HACL1: variants seen among roughly 807,000 people sequenced by gnomAD.
HACL1 encodes the protein 2-hydroxyacyl-CoA lyase 1, also known as 1600020H07Rik.
A neutral mutation model predicts 74.2 loss-of-function variants in HACL1; 64 were observed. That is an observed-to-expected ratio of 0.86 (90% CI 0.70 to 1.06). HACL1 has a LOEUF of 1.06. HACL1 is among the 50% of genes least tolerant of loss of function. The probability of loss-of-function intolerance (pLI) is 0.00; values close to 1 mark genes in which losing one functional copy is unlikely to be tolerated. For missense variants in HACL1, 728 were observed against 719.7 expected, an observed-to-expected ratio of 1.01 and a Z score of -0.13; for synonymous variants, 230 against 238.8, an observed-to-expected ratio of 0.96 and a Z score of 0.34.
At chr3:15,580,305 A>G (rs1189383479) in intron 8 of HACL1, among the ~76,000 whole-genome samples, 1 of 151,666 alleles carries the variant, frequency 6.6e-6, no homozygotes, top group Non-Finnish European at 1.5e-5. Flanking sequence ...TACTTTTAAA[A>G]TTTTCTGTAT....
intron 2 of HACL1, among the ~76,000 whole-genome samples, chr3:15,600,460 A>G (rs553556380): frequency 6.6e-6 from 1 of 152,386 alleles, no homozygotes; most frequent in South Asian, 2.1e-4. Flanking sequence ...GTGGATTGAC[A>G]AAACGTCGTA....
Position 15,563,409 on chromosome 3 carries a change from T to C in HACL1, c.1653A>G (p.Lys551=). 1 of 1,613,602 alleles carries C rather than the reference T, an allele frequency of 6.2e-7. No individual in the cohort carries two copies. Among genetic ancestry groups the C allele is most frequent in the East Asian group, 2.2e-5 (1 of 44,874 alleles). Residue 551 remains lysine, a synonymous_variant, in exon 16 of 17, where the codon AAA becomes AAG. Transcript: ENST00000321169. ...SLRQSLADTT[K]PSLINIMIEP... is the part of the protein sequence containing the mutation. ...CAATCATGATGTTGATAAGAGAAGG[T>C]TTAGTTGTGTCTGCTAGGCTCTGCC...
Position 15,596,437 on chromosome 3 carries a change from A to G in HACL1, c.187-13T>C. The G allele has an allele frequency of 6.4e-7, 1 of 1,563,760 alleles. No homozygotes were observed. The highest frequency in any genetic ancestry group is 8.8e-7 in the Non-Finnish European group (1 of 1,134,182). ...CAGCATAACAAGCCTACGAGAAAAC[A>G]ACACTGGGACTTGAGCATATTGGGA... On this transcript the variant is annotated splice_polypyrimidine_tract_variant and intron_variant, in intron 2 of 16. Coordinates refer to ENST00000321169, the MANE Select transcript of HACL1 (RefSeq NM_012260.4).
intron 3 of HACL1, among the ~76,000 whole-genome samples, chr3:15,592,423 C>T (rs1171858217): frequency 2.2e-5 from 3 of 137,998 alleles, no homozygotes; most frequent in Admixed American, 1.4e-4. Flanking sequence ...TATACACACA[C>T]GTATGCATGT....
At chr3:15,588,862 T>A (rs373418521) in intron 5 of HACL1, among the ~76,000 whole-genome samples, 1 of 152,124 alleles carries the variant, frequency 6.6e-6, no homozygotes, top group African/African-American at 2.4e-5. Context: ...CAGAGTCTAC[T>A]GATAATCATT....
chr3:15,566,900 A>C (rs6805529), intron 14 of HACL1, among the ~76,000 whole-genome samples: 142,410 of 148,054 alleles, frequency 0.96, 68,541 homozygotes, highest in East Asian at 0.99. Context: ...CTCACTGCAA[A>C]CTACACCTCC....
intron 13 of HACL1, 66 bp downstream of exon 13, chr3:15,568,366 C>T: frequency 1.0e-6 from 1 of 953,204 alleles, no homozygotes; most frequent in Non-Finnish European, 1.6e-6. Context: ...TTAATCTGCA[C>T]TATTACAGTT....
rs1434932976 is a variant in HACL1 at position 15,563,441 on chromosome 3, A to G, written c.1621T>C (p.Ser541Pro). ...FVQTPEELQK[S>P]LRQSLADTTK... ...GTGTCTGCTAGGCTCTGCCTCAGGGATTTTTGGAGTTCTTCTGGTGTTTGT... is the reference window on the plus strand; with the variant it reads ...GTGTCTGCTAGGCTCTGCCTCAGGGGTTTTTGGAGTTCTTCTGGTGTTTGT... The change falls in exon 16 of 17, where the codon TCC becomes CCC. Residue 541 changes from serine to proline, a missense_variant. Transcript: ENST00000321169. The G allele has an allele frequency of 7.4e-6, 12 of 1,612,202 alleles. No homozygotes were observed. The Admixed American group carries it at 1.8e-4, about 25-fold the overall frequency.
At chr3:15,564,492 T>C in intron 15 of HACL1, 59 bp downstream of exon 15, 1 of 796,944 alleles carries the variant, frequency 1.3e-6, no homozygotes, top group Admixed American at 2.2e-5. Flanking sequence ...AGAAGACTTT[T>C]TAAAAAGAGA....
In HACL1 at chr3:15,601,075, T is replaced by C. The variant is rs1470233776; in HGVS notation, c.186+15A>G. The stretch of plus-strand genomic sequence containing the variant: ...ATTCCCAGTAACGCATTCAGCCACC[T>C]GAGTCCATACTCACCGCTTGCTCAT... On this transcript the variant is annotated intron_variant, in intron 2 of 16. Transcript: ENST00000321169. The C allele has an allele frequency of 2.0e-6, 3 of 1,528,364 alleles. No individual in the cohort carries two copies. Among genetic ancestry groups the C allele is most frequent in the Non-Finnish European group, 1.8e-6 (2 of 1,101,664 alleles). 94.7% of individuals were successfully genotyped at this position (1,528,364 alleles called of 1,614,324 possible). A position where few individuals can be genotyped will look rare whatever the true frequency, so the allele number is the denominator to read the frequency against.
rs2063568311 is a variant in HACL1, at chr3:15,573,250, A to G, written c.910-8T>C. On this transcript the variant is annotated splice_polypyrimidine_tract_variant and splice_region_variant and intron_variant, in intron 10 of 16. Coordinates refer to ENST00000321169, the MANE Select transcript of HACL1 (RefSeq NM_012260.4). The stretch of plus-strand genomic sequence containing the variant: ...TTCTGCACAGATATCAACCTAAAAA[A>G]GAGACAAGGCTAAAGAACAACCCAT... The G allele has an allele frequency of 6.4e-7, 1 of 1,564,536 alleles. No individual in the cohort carries two copies. The highest frequency in any genetic ancestry group is 8.8e-7 in the Non-Finnish European group (1 of 1,135,654).
intron 9 of HACL1, among the ~76,000 whole-genome samples, chr3:15,578,950 G>C (rs974184628): frequency 1.3e-5 from 2 of 152,180 alleles, no homozygotes; most frequent in South Asian, 4.1e-4. Flanking sequence ...CTAATTCTGG[G>C]TATGAACCAG....
intron 12 of HACL1, among the ~76,000 whole-genome samples, chr3:15,569,759 GCGGT>G (rs2063493787): frequency 6.6e-6 from 1 of 151,870 alleles, no homozygotes; most frequent in Non-Finnish European, 1.5e-5. Flanking sequence ...GGCGGAGGTT[GCGGT>G]GAGCCAAGCT....
intron 3 of HACL1, among the ~76,000 whole-genome samples, chr3:15,594,314 G>A (rs538689875): frequency 1.3e-5 from 2 of 152,290 alleles, no homozygotes; most frequent in African/African-American, 4.8e-5. Context: ...GCTGAGGCAG[G>A]AGAATCGCTG....
intron 2 of HACL1, among the ~76,000 whole-genome samples, chr3:15,599,632 C>T (rs2064144076): frequency 6.6e-6 from 1 of 152,190 alleles, no homozygotes; most frequent in African/African-American, 2.4e-5. Context: ...ACTAACATTA[C>T]CTCTACAGGC....
intron 12 of HACL1, among the ~76,000 whole-genome samples, chr3:15,570,261 C>T (rs912519907): frequency 1.3e-5 from 2 of 148,672 alleles, no homozygotes; most frequent in Non-Finnish European, 3.0e-5. Context: ...CTTAAACCTG[C>T]GAGGCAGAGG....
chr3:15,582,870 A>G lies in HACL1; in HGVS notation c.667+7T>C, dbSNP rs762359318. 2 of 1,434,010 alleles carry G rather than the reference A, an allele frequency of 1.4e-6. No homozygotes were observed. Among genetic ancestry groups the G allele is most frequent in the Non-Finnish European group, 2.0e-6 (2 of 1,017,408 alleles). The allele number at this position is 1,434,010 out of a possible 1,614,324, so 88.8% of individuals were successfully genotyped here. ...CCTAGCAAGATTTAGAGTTCTATTC[A>G]TGCTACCTTTCCCGATGATAAGAAG... is the stretch of plus-strand genomic sequence containing the variant. On this transcript the variant is annotated splice_region_variant and intron_variant, in intron 8 of 16. Transcript: ENST00000321169.
In HACL1 at chr3:15,585,330, T is replaced by C. The variant is rs1339898592; in HGVS notation, c.472A>G (p.Ser158Gly). ...CAAGCACCTGGACGACCATAGATAC[T>C]GCTTCTCACTGCCTACGTTCATTAC... Reference protein sequence around the residue: ...PFVIEKAVRSSIYGRPGACYV... With the variant: ...PFVIEKAVRSGIYGRPGACYV... The change falls in exon 7 of 17, where the codon AGT becomes GGT. Residue 158 changes from serine (S) to glycine (G), a missense_variant. Physicochemically the swap from Ser to Gly is moderately conservative, Grantham distance 56. Coordinates refer to ENST00000321169, the MANE Select transcript of HACL1 (RefSeq NM_012260.4). 4 of 1,578,230 alleles carry C rather than the reference T, an allele frequency of 2.5e-6. No homozygotes were observed. The highest frequency in any genetic ancestry group is 1.1e-5 in the South Asian group (1 of 90,282).
intron 2 of HACL1, among the ~76,000 whole-genome samples, chr3:15,600,356 G>A (rs926581889): frequency 6.6e-6 from 1 of 152,268 alleles, no homozygotes; most frequent in Non-Finnish European, 1.5e-5. Flanking sequence ...CAGCTGGACT[G>A]AGAGTATGTG....
Sources: allele counts gnomAD v4.1 joint callset (sites outside exome capture counted in the v4.1 genomes callset), GRCh38; gene constraint gnomAD v4.1.1; transcripts MANE v1.5; gene names NCBI Gene and HGNC (gene_info 2026-07-23, HGNC 2026-07-21).